Variants in CNTNAP3B observed in about 807,000 individuals in gnomAD.
CNTNAP3B encodes contactin associated protein family member 3B.
CNTNAP3B carries 25 observed loss-of-function variants against 108.9 expected under a neutral mutation model. That is an observed-to-expected ratio of 0.23 (90% CI 0.17 to 0.32). The LOEUF is 0.32. Ranked by LOEUF, CNTNAP3B falls within the 10% of genes least tolerant of loss-of-function variation. CNTNAP3B has a pLI of 1.00. For synonymous variants in CNTNAP3B, 103 were observed against 473.4 expected (o/e 0.22, Z 10.16); for missense variants, 252 against 1,210.4 (o/e 0.21, Z 11.75).
intron 3 of CNTNAP3B, among the ~76,000 whole-genome samples, chr9:42,024,741 C>A (rs1169569510): frequency 7.3e-6 from 1 of 137,054 alleles, no homozygotes; most frequent in Non-Finnish European, 1.6e-5. Context: ...ATAAAGCTGT[C>A]TGCTTCCCAA....
chr9:41,967,485 C>G (rs1278960914), intron 10 of CNTNAP3B, among the ~76,000 whole-genome samples: 4 of 152,208 alleles, frequency 2.6e-5, no homozygotes, highest in Admixed American at 6.5e-5. Context: ...ATTACCCAGT[C>G]TTGGGTATAT....
intron 18 of CNTNAP3B, among the ~76,000 whole-genome samples, chr9:41,919,659 C>T (rs1452629390): frequency 6.6e-6 from 1 of 152,184 alleles, no homozygotes; most frequent in Admixed American, 6.5e-5. Flanking sequence ...GACGATTGCT[C>T]AAGCCTAGGA....
intron 14 of CNTNAP3B, among the ~76,000 whole-genome samples, chr9:41,932,709 G>C (rs1159304501): frequency 1.3e-5 from 2 of 151,874 alleles, no homozygotes; most frequent in Non-Finnish European, 2.9e-5. Flanking sequence ...TAGTATAGAC[G>C]GGGTTTCACC....
intron 1 of CNTNAP3B, among the ~76,000 whole-genome samples, chr9:42,110,431 T>C (rs2118712566): frequency 7.3e-6 from 1 of 136,592 alleles, no homozygotes; most frequent in South Asian, 2.4e-4. Context: ...GACGGCACCT[T>C]AACCAGCTTC....
chr9:41,928,607 C>CTT (rs1204513262), intron 15 of CNTNAP3B, among the ~76,000 whole-genome samples: 7 of 152,298 alleles, frequency 4.6e-5, no homozygotes, highest in African/African-American at 1.7e-4. Context: ...TGTTGAACCA[C>CTT]CCCTCTCAGA....
intron 3 of CNTNAP3B, among the ~76,000 whole-genome samples, chr9:42,018,321 TA>T (rs1159101599): frequency 1.1e-3 from 147 of 135,984 alleles, no homozygotes; most frequent in Middle Eastern, 3.6e-3. Flanking sequence ...GAATCATGTA[TA>T]AAAAAATATG....
At chr9:41,919,035 C>A (rs1452877159) in intron 18 of CNTNAP3B, among the ~76,000 whole-genome samples, 3 of 152,266 alleles carry the variant, frequency 2.0e-5, no homozygotes, top group Non-Finnish European at 4.4e-5. Context: ...CATTTTAGCT[C>A]TGATGATTCA....
chr9:42,076,492 C>G (rs1827493998), intron 3 of CNTNAP3B, among the ~76,000 whole-genome samples: 2 of 120,962 alleles, frequency 1.7e-5, no homozygotes, highest in Non-Finnish European at 3.4e-5. Context: ...CACAATTCTT[C>G]AAGTTCAAAG....
chr9:41,983,220 C>A (rs538344415), intron 9 of CNTNAP3B: 1 of 135,844 alleles, frequency 7.4e-6, no homozygotes, highest in Admixed American at 7.4e-5. Context: ...AGAGAAGCAT[C>A]ACGTATTTTC....
At chr9:41,925,652 T>C (rs1480261524) in intron 15 of CNTNAP3B, among the ~76,000 whole-genome samples, 2 of 152,304 alleles carry the variant, frequency 1.3e-5, no homozygotes, top group Admixed American at 6.5e-5. Flanking sequence ...TACTAATTTA[T>C]TTGTGTATTT....
chr9:41,967,038 C>A (rs1242418475), intron 10 of CNTNAP3B, among the ~76,000 whole-genome samples: 1 of 149,792 alleles, frequency 6.7e-6, no homozygotes, highest in Non-Finnish European at 1.5e-5. Context: ...TCCAAAGTGC[C>A]CATTGCTATT....
chr9:42,101,795 A>G (rs1325775622), intron 2 of CNTNAP3B, among the ~76,000 whole-genome samples: 1 of 127,040 alleles, frequency 7.9e-6, no homozygotes, highest in South Asian at 2.6e-4. Context: ...CAGGTCGGCC[A>G]GGTGTGGTGG....
rs1425025355 is a variant in CNTNAP3B at position 41,938,845 on chromosome 9, A to T, written c.2081-445T>A. ...TTTGCTAACTACCTGTATATTACAC[A>T]TTTGGAAAGATATGGTATTCTCTGT... On this transcript the variant is annotated intron_variant, in intron 13 of 23. Transcript: ENST00000377561. Among the ~76,000 whole-genome samples the T allele has an allele frequency of 5.9e-5, 9 of 152,396 alleles. No homozygotes were observed. The South Asian group carries it at 6.2e-4, about 11-fold the overall frequency.
At chr9:41,990,757 A>G (rs1266636728) in intron 8 of CNTNAP3B, among the ~76,000 whole-genome samples, 1 of 134,312 alleles carries the variant, frequency 7.4e-6, no homozygotes, top group Non-Finnish European at 1.6e-5. Context: ...TGCAAATCCA[A>G]TCATCAAAAT....
intron 14 of CNTNAP3B, among the ~76,000 whole-genome samples, chr9:41,933,217 T>C (rs1824034882): frequency 6.6e-6 from 1 of 152,262 alleles, no homozygotes. Flanking sequence ...GGCTAATTTT[T>C]TTTTGTCATG....
rs987211972 is a variant in CNTNAP3B, at chr9:41,926,648, G to A, written c.2366-2555C>T. The A allele has an allele frequency of 2.6e-5, 4 of 152,470 alleles. No homozygotes were observed. The East Asian group carries it at 5.8e-4, about 22-fold the overall frequency. The allele number at this position is 152,470 out of a possible 1,614,324, so 9.4% of individuals were successfully genotyped here. ...TTTTTAGTTTTTTTGTAAGAGACAA[G>A]GTCTTACCATCTTGTCCGGGCTTGT... is the stretch of plus-strand genomic sequence containing the variant. On this transcript the variant is annotated intron_variant, in intron 15 of 23. Coordinates refer to ENST00000377561, the MANE Select transcript of CNTNAP3B (RefSeq NM_001201380.3).
rs574420888 is a variant in CNTNAP3B at position 42,035,365 on chromosome 9, C to T, written c.391-21840G>A. Among the ~76,000 whole-genome samples, 199 of 146,614 alleles carry T rather than the reference C, an allele frequency of 1.4e-3. 4 individuals carry two copies. Among genetic ancestry groups the T allele is most frequent in the African/African-American group, 3.5e-3 (137 of 38,868 alleles). On this transcript the variant is annotated intron_variant, in intron 3 of 23. Coordinates refer to ENST00000377561, the MANE Select transcript of CNTNAP3B (RefSeq NM_001201380.3). Reference sequence around the variant, plus strand: ...AGATGCCACCTTTCAATATGGCCTGCTCAGAGTTGAGCAGCCTGTCAATGA... The same window carrying T: ...AGATGCCACCTTTCAATATGGCCTGTTCAGAGTTGAGCAGCCTGTCAATGA...
rs963650683 is a variant in CNTNAP3B at position 42,075,609 on chromosome 9, T to A, written c.390+1260A>T. On this transcript the variant is annotated intron_variant, in intron 3 of 23. Transcript: ENST00000377561. ...CCTTGGCTATGGTTTCCCTCTGAAC[T>A]GCTTAACTTGGTAACAAAAATGCTG... Among the ~76,000 whole-genome samples the A allele has an allele frequency of 9.7e-5, 12 of 123,416 alleles. 1 individual carries two copies. Among genetic ancestry groups the A allele is most frequent in the African/African-American group, 3.9e-4 (12 of 30,584 alleles). The allele number at this position is 123,416 out of a possible 152,430, so 81.0% of individuals were successfully genotyped here.
intron 10 of CNTNAP3B, among the ~76,000 whole-genome samples, chr9:41,967,177 G>C: frequency 6.6e-6 from 1 of 151,640 alleles, no homozygotes; most frequent in South Asian, 2.1e-4. Flanking sequence ...ATATGGTTTG[G>C]CTGTGTCCCC....
Sources: gnomAD v4.1 joint callset for allele counts (sites outside exome capture counted in the v4.1 genomes callset) on GRCh38, gnomAD v4.1.1 for gene constraint, MANE v1.5 for transcripts, NCBI Gene and HGNC (gene_info 2026-07-23, HGNC 2026-07-21) for gene names.